ATP8A1: variants seen among roughly 807,000 people sequenced by gnomAD.
ATP8A1 encodes the protein ATPase phospholipid transporting 8A1.
A neutral mutation model predicts 177.7 loss-of-function variants in ATP8A1; 90 were observed. The ratio of observed to expected loss-of-function variants is 0.51; its 90% confidence interval spans 0.43 to 0.60. ATP8A1 has a LOEUF of 0.60. ATP8A1 is among the 20% of genes least tolerant of loss of function. The pLI is 0.00. For missense variants in ATP8A1, 1,072 were observed against 1,392.8 expected (o/e 0.77, Z 3.67); for synonymous variants, 493 against 485.9 (o/e 1.01, Z -0.19).
intron 20 of ATP8A1, among the ~76,000 whole-genome samples, chr4:42,528,011 A>G (rs916643996): frequency 3.3e-5 from 5 of 151,968 alleles, no homozygotes; most frequent in African/African-American, 9.7e-5. Context: ...TTTGGGGACT[A>G]CTGGACACTG....
intron 25 of ATP8A1, among the ~76,000 whole-genome samples, chr4:42,480,194 T>C (rs906887599): frequency 6.6e-6 from 1 of 152,188 alleles, no homozygotes; most frequent in Non-Finnish European, 1.5e-5. Context: ...GTCATCATAA[T>C]TGGCTAATAG....
chr4:42,625,682 G>T lies in ATP8A1; in HGVS notation c.196C>A (p.Pro66Thr). ...TAKYNIITFLPRFLYSQFRRA... is the reference protein window; with the variant it reads ...TAKYNIITFLTRFLYSQFRRA... ...CTGAACTGAGAGTAGAGAAATCTTG[G>T]AAGGAATGTGATTATGTTGTATTTT... The change falls in exon 3 of 37, where the codon CCA (proline) becomes ACA (threonine). Residue 66 changes from proline (P) to threonine (T), a missense_variant. Around this residue, in one of 5 missense-constraint regions of ATP8A1, gnomAD observed 344 missense variants for 393.5 expected, o/e 0.87. Coordinates refer to ENST00000381668, the MANE Select transcript of ATP8A1 (RefSeq NM_006095.2). The T allele has an allele frequency of 6.2e-7, 1 of 1,607,332 alleles. No homozygotes were observed. The highest frequency in any genetic ancestry group is 8.5e-7 in the Non-Finnish European group (1 of 1,176,668).
intron 25 of ATP8A1, among the ~76,000 whole-genome samples, chr4:42,482,091 C>A (rs1443185749): frequency 1.3e-5 from 2 of 152,066 alleles, no homozygotes; most frequent in Non-Finnish European, 2.9e-5. Context: ...TGCCTGAACT[C>A]AGGAGTTTGA....
chr4:42,551,094 G>C, intron 18 of ATP8A1, 104 bp downstream of exon 18: 1 of 890,030 alleles, frequency 1.1e-6, no homozygotes, highest in East Asian at 2.4e-5. Flanking sequence ...CTTCTGGAGT[G>C]GGGAACCTCT....
intron 13 of ATP8A1, 76 bp downstream of exon 13, chr4:42,575,546 G>A: frequency 8.4e-7 from 1 of 1,197,396 alleles, no homozygotes; most frequent in Non-Finnish European, 1.2e-6. Flanking sequence ...TTCATCTGCA[G>A]TTATCATATA....
At chr4:42,472,375 T>G in intron 25 of ATP8A1, 1 of 370,996 alleles carries the variant, frequency 2.7e-6, no homozygotes, top group Non-Finnish European at 5.3e-6. Context: ...AGAGTTTCCA[T>G]TGTAAACAAA....
At chr4:42,649,300 T>C (rs1422710848) in intron 1 of ATP8A1, among the ~76,000 whole-genome samples, 1 of 152,210 alleles carries the variant, frequency 6.6e-6, no homozygotes, top group Non-Finnish European at 1.5e-5. Flanking sequence ...CTAGTGACAG[T>C]AGACAAAATT....
chr4:42,615,913 AC>A, intron 5 of ATP8A1, 119 bp downstream of exon 5: 1 of 868,392 alleles, frequency 1.2e-6, no homozygotes, highest in Non-Finnish European at 1.8e-6. Context: ...AAATCAATCT[AC>A]CCCAAAACAA....
intron 25 of ATP8A1, among the ~76,000 whole-genome samples, chr4:42,477,086 C>G (rs1721146738): frequency 6.6e-6 from 1 of 152,142 alleles, no homozygotes; most frequent in Non-Finnish European, 1.5e-5. Flanking sequence ...GATGTGAAGG[C>G]TGGGATTATT....
At chr4:42,495,264 T>A (rs1034683307) in intron 24 of ATP8A1, among the ~76,000 whole-genome samples, 1 of 152,228 alleles carries the variant, frequency 6.6e-6, no homozygotes, top group African/African-American at 2.4e-5. Context: ...TATGACCATA[T>A]CAAGTATGGA....
intron 2 of ATP8A1, 43 bp downstream of exon 2, chr4:42,626,947 AGCTCT>A: frequency 7.0e-7 from 1 of 1,427,378 alleles, no homozygotes; most frequent in East Asian, 2.3e-5. Context: ...TGACCTAACC[AGCTCT>A]GCTCTGCTGG....
intron 25 of ATP8A1, among the ~76,000 whole-genome samples, chr4:42,480,365 C>T (rs1175657356): frequency 6.6e-6 from 1 of 152,072 alleles, no homozygotes. Flanking sequence ...TAGCTGTACA[C>T]GTATGAAAGA....
intron 1 of ATP8A1, among the ~76,000 whole-genome samples, chr4:42,636,096 C>T (rs1739307154): frequency 8.5e-6 from 1 of 118,266 alleles, no homozygotes; most frequent in Non-Finnish European, 1.9e-5. Context: ...GGGGAGTTCT[C>T]CAAAGGAAAG....
At chr4:42,414,948 T>A (rs575786497) in intron 35 of ATP8A1, 3 of 495,496 alleles carry the variant, frequency 6.1e-6, no homozygotes, top group African/African-American at 5.8e-5. Flanking sequence ...ATAATCCTTC[T>A]CCCAGTAAAA....
At chr4:42,629,803 A>G (rs2109502708) in intron 1 of ATP8A1, among the ~76,000 whole-genome samples, 1 of 152,348 alleles carries the variant, frequency 6.6e-6, no homozygotes, top group South Asian at 2.1e-4. Flanking sequence ...CTAATTTGGA[A>G]GTGAGAGTTT....
chr4:42,608,362 C>CTTTTT (rs1736028102), intron 5 of ATP8A1, among the ~76,000 whole-genome samples: 1 of 117,964 alleles, frequency 8.5e-6, no homozygotes. Flanking sequence ...GCAATAATAT[C>CTTTTT]ATTTTTTTTT....
intron 25 of ATP8A1, among the ~76,000 whole-genome samples, chr4:42,484,338 A>G (rs1354407861): frequency 6.6e-6 from 1 of 152,198 alleles, no homozygotes; most frequent in Non-Finnish European, 1.5e-5. Flanking sequence ...AATACATACC[A>G]CAGAAAAGAA....
At chr4:42,416,375 G>T (rs1401005034) in intron 35 of ATP8A1, among the ~76,000 whole-genome samples, 1 of 152,072 alleles carries the variant, frequency 6.6e-6, no homozygotes, top group Non-Finnish European at 1.5e-5. Flanking sequence ...CAGGTTTCAG[G>T]CTGGCCTTCC....
intron 20 of ATP8A1, among the ~76,000 whole-genome samples, chr4:42,526,206 A>G (rs1241053103): frequency 1.5e-5 from 2 of 134,510 alleles, no homozygotes; most frequent in Non-Finnish European, 3.5e-5. Context: ...GAGAAAAATT[A>G]ATTTTCTACC....
Sources: gnomAD v4.1 joint callset for allele counts (sites outside exome capture counted in the v4.1 genomes callset) on GRCh38, gnomAD v4.1.1 for gene constraint, gnomAD v4.1.1 regional missense constraint, MANE v1.5 for transcripts, NCBI Gene and HGNC (gene_info 2026-07-23, HGNC 2026-07-21) for gene names.